Variants in GTF2A1 observed in about 807,000 individuals in gnomAD.
GTF2A1 encodes transcription initiation factor IIA subunit 1.
In GTF2A1, 12 loss-of-function variants were observed where a neutral mutation model predicts 54.1. The observed-to-expected ratio is 0.22, with a 90% CI of 0.14 to 0.36. GTF2A1 has a LOEUF of 0.36. Among genes scored for constraint, GTF2A1 ranks in the 10% least tolerant of loss-of-function variants. GTF2A1 has a pLI of 1.00. For synonymous variants in GTF2A1, 145 were observed against 152.0 expected, an observed-to-expected ratio of 0.95 and a Z score of 0.34; for missense variants, 335 against 442.2, an observed-to-expected ratio of 0.76 and a Z score of 2.17.
rs573178601 is a variant in GTF2A1 at position 81,197,298 on chromosome 14, T to C, written c.478+111A>G. ...AGTTATTTTAATAACCTAAACCAAA[T>C]GGTAAAAGAAATATTAGTATTTTCT... On this transcript the variant is annotated intron_variant, in intron 5 of 8. Transcript: ENST00000553612. 72 of 628,982 alleles carry C rather than the reference T, an allele frequency of 1.1e-4. 1 individual carries two copies. In the African/African-American group the frequency reaches 1.1e-3, roughly 10 times the overall value. 39.0% of individuals were successfully genotyped at this position (628,982 alleles called of 1,614,324 possible). A position where few individuals can be genotyped will look rare whatever the true frequency, so the allele number is the denominator to read the frequency against.
intron 8 of GTF2A1, among the ~76,000 whole-genome samples, chr14:81,184,207 T>C (rs1892694254): frequency 6.6e-6 from 1 of 152,152 alleles, no homozygotes; most frequent in South Asian, 2.1e-4. Context: ...CACTTAAAAG[T>C]ATATTCTTCA....
intron 4 of GTF2A1, among the ~76,000 whole-genome samples, chr14:81,198,391 C>A (rs1893034708): frequency 6.6e-6 from 1 of 152,160 alleles, no homozygotes; most frequent in Admixed American, 6.5e-5. Flanking sequence ...TTGCAGTGAG[C>A]CGAGATTGTG....
chr14:81,196,483 T>C (rs976004965), intron 5 of GTF2A1, among the ~76,000 whole-genome samples: 1 of 152,252 alleles, frequency 6.6e-6, no homozygotes, highest in Non-Finnish European at 1.5e-5. Context: ...CATTCAGCTA[T>C]TTCCAACAAG....
At chr14:81,213,410 G>T (rs1893416187) in intron 2 of GTF2A1, among the ~76,000 whole-genome samples, 1 of 152,144 alleles carries the variant, frequency 6.6e-6, no homozygotes, top group Admixed American at 6.5e-5. Flanking sequence ...TTTTCATTGT[G>T]AAAAGCGAGA....
intron 2 of GTF2A1, among the ~76,000 whole-genome samples, chr14:81,205,790 T>C (rs1484607944): frequency 6.6e-6 from 1 of 152,226 alleles, no homozygotes; most frequent in Non-Finnish European, 1.5e-5. Flanking sequence ...CTTCTTCCCG[T>C]AGTAACAAGC....
chr14:81,204,360 G>A, intron 2 of GTF2A1: 1 of 584,230 alleles, frequency 1.7e-6, no homozygotes, highest in Non-Finnish European at 3.1e-6. Context: ...ACTTTCTATA[G>A]TAATTCCTTA....
intron 8 of GTF2A1, among the ~76,000 whole-genome samples, chr14:81,182,120 A>C (rs1265313848): frequency 6.6e-6 from 1 of 152,128 alleles, no homozygotes; most frequent in Non-Finnish European, 1.5e-5. Flanking sequence ...AAATCACTCA[A>C]TCAAACAACC....
chr14:81,176,267 T>A lies in GTF2A1; in HGVS notation c.*3956A>T, dbSNP rs935837104. 1.3e-5 allele frequency: 2 copies of A among 152,058 alleles called. No homozygotes were observed. Among genetic ancestry groups the A allele is most frequent in the Non-Finnish European group, 2.9e-5 (2 of 67,976 alleles). 9.4% of individuals were successfully genotyped at this position (152,058 alleles called of 1,614,324 possible). ...CCAAGATGGTCTTTAAAACATAATA[T>A]CCCATATATCACAGAAGAGCAACCT... On this transcript the variant is annotated 3_prime_UTR_variant, in exon 9 of 9. Transcript: ENST00000553612.
At position 81,211,813 on chromosome 14, in the gene GTF2A1, A is replaced by G. The variant is rs963010317; in HGVS notation, c.132+4600T>C. ...TCCCTAAGAATAAATGAAATGAAAT[A>G]GTAGATTATTATTCAACTTATGGTC... On this transcript the variant is annotated intron_variant, in intron 2 of 8. Transcript: ENST00000553612. 2.0e-5 allele frequency among the ~76,000 whole-genome samples: 3 copies of G among 149,914 alleles called. No homozygotes were observed. In the East Asian group the frequency reaches 5.8e-4, roughly 29 times the overall value.
At chr14:81,188,722 A>G (rs1452614934) in intron 7 of GTF2A1, among the ~76,000 whole-genome samples, 1 of 151,730 alleles carries the variant, frequency 6.6e-6, no homozygotes, top group Admixed American at 6.6e-5. Context: ...GCTTGCAGTG[A>G]GCCGACATCG....
At position 81,196,079 on chromosome 14, in the gene GTF2A1, A is replaced by T; in HGVS notation, c.612+29T>A. 3.1e-6 allele frequency: 5 copies of T among 1,603,614 alleles called. No homozygotes were observed. In the South Asian group the frequency reaches 5.5e-5, roughly 18 times the overall value. ...TACATACAGAATAAAACAGAACCCCATACTGATCATAATAGAAGATTATTT... is the reference window on the plus strand; with the variant it reads ...TACATACAGAATAAAACAGAACCCCTTACTGATCATAATAGAAGATTATTT... On this transcript the variant is annotated intron_variant, in intron 6 of 8. Coordinates refer to ENST00000553612, the MANE Select transcript of GTF2A1 (RefSeq NM_015859.4).
chr14:81,190,336 T>A (rs1409983309), intron 7 of GTF2A1, among the ~76,000 whole-genome samples: 2 of 149,690 alleles, frequency 1.3e-5, no homozygotes, highest in African/African-American at 4.9e-5. Context: ...CTACCATAAC[T>A]GAAAACCTTG....
intron 4 of GTF2A1, among the ~76,000 whole-genome samples, chr14:81,200,896 AAAAAAC>A (rs1362039498): frequency 2.0e-5 from 3 of 151,256 alleles, no homozygotes; most frequent in Non-Finnish European, 3.0e-5. Context: ...AAAAAAAAAA[AAAAAAC>A]AAAAAACAAC....
chr14:81,196,332 G>A (rs1227081116), intron 5 of GTF2A1, 91 bp from the exon 6 acceptor site: 1 of 1,311,486 alleles, frequency 7.6e-7, no homozygotes, highest in South Asian at 1.2e-5. Context: ...ACCACCAAAG[G>A]CACAAGAAAT....
chr14:81,187,155 C>T (rs1892767648), intron 7 of GTF2A1, among the ~76,000 whole-genome samples: 1 of 151,794 alleles, frequency 6.6e-6, no homozygotes, highest in Admixed American at 6.6e-5. Context: ...GAGATCGAGA[C>T]CATCCTGGCT....
At chr14:81,188,497 C>A (rs1223982261) in intron 7 of GTF2A1, among the ~76,000 whole-genome samples, 1 of 152,120 alleles carries the variant, frequency 6.6e-6, no homozygotes, top group African/African-American at 2.4e-5. Flanking sequence ...AGCGGCTGGG[C>A]ACAATGGCTC....
chr14:81,212,915 C>T (rs1893405178), intron 2 of GTF2A1, among the ~76,000 whole-genome samples: 1 of 152,222 alleles, frequency 6.6e-6, no homozygotes, highest in African/African-American at 2.4e-5. Flanking sequence ...TTGGACAATG[C>T]TGGCTGTCCA....
At chr14:81,183,123 A>C (rs1892673073) in intron 8 of GTF2A1, among the ~76,000 whole-genome samples, 1 of 152,188 alleles carries the variant, frequency 6.6e-6, no homozygotes, top group Admixed American at 6.5e-5. Flanking sequence ...CCCTGATTGG[A>C]GTAAGCTTCC....
At chr14:81,181,464 AG>A (rs1206351909) in intron 8 of GTF2A1, among the ~76,000 whole-genome samples, 1 of 152,260 alleles carries the variant, frequency 6.6e-6, no homozygotes, top group African/African-American at 2.4e-5. Flanking sequence ...ATGATTTTCA[AG>A]TCTTGGTCCA....
Sources: allele counts gnomAD v4.1 joint callset (sites outside exome capture counted in the v4.1 genomes callset), GRCh38; gene constraint gnomAD v4.1.1; transcripts MANE v1.5; gene names NCBI Gene and HGNC (gene_info 2026-07-23, HGNC 2026-07-21).